ERC1: variants seen among roughly 807,000 people sequenced by gnomAD.
ERC1 encodes the protein RAB6 interacting protein 2.
Under a neutral mutation model 132.0 loss-of-function variants are expected in ERC1, and 56 were observed. The ratio of observed to expected loss-of-function variants is 0.42; its 90% confidence interval spans 0.34 to 0.53. ERC1 has a LOEUF of 0.53. ERC1 is among the 20% of genes least tolerant of loss of function. The pLI, the probability that ERC1 is intolerant of heterozygous loss-of-function variation, is 0.03. For synonymous variants in ERC1, 478 were observed against 476.1 expected, an observed-to-expected ratio of 1.00 and a Z score of -0.05; for missense variants, 1,202 against 1,349.9, an observed-to-expected ratio of 0.89 and a Z score of 1.72.
chr12:1,354,964 GT>G (rs2085383085), intron 15 of ERC1, among the ~76,000 whole-genome samples: 1 of 152,126 alleles, frequency 6.6e-6, no homozygotes, highest in Non-Finnish European at 1.5e-5. Context: ...TTCCCAAACT[GT>G]TTTCTCTTGT....
Position 1,418,967 on chromosome 12 carries a change from G to A in ERC1, c.3024+10720G>A, listed in dbSNP as rs189265659. ...GGGTTCAAGCAATCCTCCCACCTAC[G>A]CCTCCCAAAGTTCTGTGATTACAGG... On this transcript the variant is annotated intron_variant, in intron 17 of 18. Coordinates refer to ENST00000360905, the MANE Select transcript of ERC1 (RefSeq NM_178040.4). 5.7e-4 allele frequency among the ~76,000 whole-genome samples: 86 copies of A among 151,924 alleles called. 1 individual carries two copies. The highest frequency in any genetic ancestry group is 2.0e-3 in the African/African-American group (82 of 41,420).
intron 12 of ERC1, among the ~76,000 whole-genome samples, chr12:1,196,971 TA>T (rs1956372778): frequency 1.3e-5 from 1 of 76,410 alleles, no homozygotes; most frequent in South Asian, 3.9e-4. Flanking sequence ...CATATATATA[TA>T]TATATTTTTT....
intron 7 of ERC1, among the ~76,000 whole-genome samples, chr12:1,117,038 G>A (rs1314626019): frequency 6.6e-6 from 1 of 152,086 alleles, no homozygotes; most frequent in Non-Finnish European, 1.5e-5. Context: ...TTCAATGATC[G>A]AAGAGAAAGA....
intron 1 of ERC1, among the ~76,000 whole-genome samples, chr12:996,349 G>A (rs1013215874): frequency 1.7e-4 from 25 of 147,580 alleles, no homozygotes; most frequent in African/African-American, 5.2e-4. Context: ...TGATCCGCGC[G>A]CCTTGGCCTC....
chr12:1,051,530 A>C (rs1481631809), intron 2 of ERC1, among the ~76,000 whole-genome samples: 26 of 6,312 alleles, frequency 4.1e-3, no homozygotes, highest in Admixed American at 6.1e-3. Context: ...TCTCTACCCC[A>C]AAAAAAAAAA....
chr12:1,251,219 ATCTTTTTAGGAATACTATT>A (rs1341514157), intron 13 of ERC1, among the ~76,000 whole-genome samples: 11 of 152,028 alleles, frequency 7.2e-5, no homozygotes, highest in African/African-American at 2.7e-4. Flanking sequence ...TAAGATTGAC[ATCTTTTTAGGAATACTATT>A]TCTAGAAATA....
chr12:1,038,540 T>C (rs1969556759), intron 2 of ERC1, among the ~76,000 whole-genome samples: 1 of 152,048 alleles, frequency 6.6e-6, no homozygotes, highest in African/African-American at 2.4e-5. Flanking sequence ...TTTGTATTTT[T>C]AGTAGAGACA....
chr12:1,263,989 CA>C (rs771508866), intron 14 of ERC1, among the ~76,000 whole-genome samples: 90 of 136,366 alleles, frequency 6.6e-4, no homozygotes, highest in African/African-American at 6.1e-4. Context: ...TGTGCCCGGC[CA>C]AAAAAAAAAA....
chr12:1,112,418 C>T (rs988439966), intron 6 of ERC1, 120 bp downstream of exon 6: 5 of 658,266 alleles, frequency 7.6e-6, no homozygotes, highest in African/African-American at 3.6e-5. Context: ...TTGCCCATTA[C>T]TAGCACTAAC....
At chr12:1,130,436 G>C (rs537376285) in intron 7 of ERC1, among the ~76,000 whole-genome samples, 13 of 152,240 alleles carry the variant, frequency 8.5e-5, no homozygotes, top group African/African-American at 2.9e-4. Context: ...GTCAAAGTAG[G>C]TTGGCTGACT....
In ERC1 at chr12:1,447,627, GTTTTGT is replaced by G. The variant is rs796760068; in HGVS notation, c.3213+2911_3213+2916del. Among the ~76,000 whole-genome samples the G allele has an allele frequency of 9.5e-3, 1,415 of 148,766 alleles. 11 individuals carry two copies. The highest frequency in any genetic ancestry group is 0.029 in the South Asian group (137 of 4,736). Reference sequence around the variant, plus strand: ...TTCCTTTGTAAAACAGTTTGTCTTTGTTTTGTTTTTGTTTTTGTTTTTGTTTTTGTT... The same window carrying G: ...TTCCTTTGTAAAACAGTTTGTCTTTGTTTTGTTTTTGTTTTTGTTTTTGTT... On this transcript the variant is annotated intron_variant, in intron 18 of 18. Coordinates refer to ENST00000360905, the MANE Select transcript of ERC1 (RefSeq NM_178040.4).
At chr12:1,135,471 T>C (rs1036275455) in intron 7 of ERC1, among the ~76,000 whole-genome samples, 2 of 152,158 alleles carry the variant, frequency 1.3e-5, no homozygotes, top group African/African-American at 4.8e-5. Context: ...TAGCAGTAGG[T>C]GTGGTGGGCT....
chr12:1,331,707 T>G (rs1265477454), intron 15 of ERC1, among the ~76,000 whole-genome samples: 1 of 152,216 alleles, frequency 6.6e-6, no homozygotes, highest in East Asian at 1.9e-4. Flanking sequence ...TATAAAGTGT[T>G]GTTAGTCCCC....
chr12:1,009,457 A>G (rs550465640), intron 1 of ERC1, among the ~76,000 whole-genome samples: 145 of 152,272 alleles, frequency 9.5e-4, no homozygotes, highest in Non-Finnish European at 1.9e-3. Context: ...TACAGGCGTG[A>G]GCCACCGCGC....
At chr12:1,219,336 C>T (rs1053879902) in intron 12 of ERC1, among the ~76,000 whole-genome samples, 1 of 152,130 alleles carries the variant, frequency 6.6e-6, no homozygotes, top group African/African-American at 2.4e-5. Context: ...TGATCTGGCC[C>T]ACCTTTTTCA....
At chr12:1,179,619 T>C (rs1344895933) in intron 8 of ERC1, among the ~76,000 whole-genome samples, 1 of 148,328 alleles carries the variant, frequency 6.7e-6, no homozygotes, top group South Asian at 2.2e-4. Flanking sequence ...GCCATTCTCC[T>C]GCCTCAGCCT....
At chr12:1,164,281 G>T (rs1031289890) in intron 8 of ERC1, among the ~76,000 whole-genome samples, 4,096 of 130,542 alleles carry the variant, frequency 0.031, 77 homozygotes, top group African/African-American at 0.046. Context: ...GTTATTTTAT[G>T]TTATTTTATT....
chr12:1,358,696 C>A (rs2085778268), intron 15 of ERC1, among the ~76,000 whole-genome samples: 1 of 152,140 alleles, frequency 6.6e-6, no homozygotes, highest in African/African-American at 2.4e-5. Context: ...CAGCCGCTGA[C>A]CTATTTGTGA....
intron 16 of ERC1, among the ~76,000 whole-genome samples, chr12:1,394,020 A>AAC (rs1291160315): frequency 2.0e-4 from 21 of 103,626 alleles, no homozygotes; most frequent in African/African-American, 1.0e-3. Flanking sequence ...CGTCTCAAAA[A>AAC]AAAAAAAAAA....
Sources: allele counts gnomAD v4.1 joint callset (sites outside exome capture counted in the v4.1 genomes callset), GRCh38; gene constraint gnomAD v4.1.1; transcripts MANE v1.5; gene names NCBI Gene and HGNC (gene_info 2026-07-23, HGNC 2026-07-21).